Variants in CFAP299 observed in about 807,000 individuals in gnomAD.
CFAP299 encodes cilia and flagella associated protein 299, also known as cilia- and flagella-associated protein 299.
In CFAP299, 21 loss-of-function variants were observed where a neutral mutation model predicts 27.0. The ratio of observed to expected loss-of-function variants is 0.78; its 90% CI spans 0.55 to 1.12. The LOEUF (loss-of-function observed/expected upper bound fraction) is 1.12, where lower values mean the gene tolerates loss of function less well. Among genes scored for constraint, CFAP299 ranks in the 50% most tolerant of loss-of-function variants. CFAP299 has a pLI of 0.00. For missense variants in CFAP299, 310 were observed against 276.6 expected, an observed-to-expected ratio of 1.12 and a Z score of -0.86; for synonymous variants, 104 against 98.1, an observed-to-expected ratio of 1.06 and a Z score of -0.36.
chr4:80,467,221 C>T (rs1729749598), intron 2 of CFAP299, among the ~76,000 whole-genome samples: 1 of 152,154 alleles, frequency 6.6e-6, no homozygotes, highest in African/African-American at 2.4e-5. Context: ...AAAGTATTTA[C>T]ACCACTGATA....
chr4:80,769,968 T>C (rs866955642), intron 3 of CFAP299, among the ~76,000 whole-genome samples: 1 of 152,226 alleles, frequency 6.6e-6, no homozygotes. Context: ...TGTTCTACCT[T>C]CTAGTTTCTT....
At chr4:80,650,852 G>A (rs1740240509) in intron 3 of CFAP299, among the ~76,000 whole-genome samples, 3 of 151,776 alleles carry the variant, frequency 2.0e-5, no homozygotes, top group Admixed American at 6.6e-5. Context: ...TGGACTTTGG[G>A]ACTCAGGGGA....
intron 3 of CFAP299, among the ~76,000 whole-genome samples, chr4:80,637,182 A>T (rs78695532): frequency 0.045 from 6,836 of 152,300 alleles, 200 homozygotes; most frequent in Non-Finnish European, 0.068. Context: ...TTTAATAAAG[A>T]TAAAGTGTTG....
At chr4:80,751,093 ACT>A (rs1724904280) in intron 3 of CFAP299, among the ~76,000 whole-genome samples, 1 of 152,002 alleles carries the variant, frequency 6.6e-6, no homozygotes, top group African/African-American at 2.4e-5. Context: ...GAAGAAACAC[ACT>A]CTGACTTTTT....
chr4:80,538,463 C>T (rs2110195962), intron 2 of CFAP299, among the ~76,000 whole-genome samples: 1 of 151,840 alleles, frequency 6.6e-6, no homozygotes, highest in South Asian at 2.1e-4. Context: ...TAGGCCTTCA[C>T]ATTTACTCAC....
At chr4:80,698,196 G>T (rs1721233541) in intron 3 of CFAP299, among the ~76,000 whole-genome samples, 1 of 152,080 alleles carries the variant, frequency 6.6e-6, no homozygotes, top group African/African-American at 2.4e-5. Context: ...TTATAAAATG[G>T]GGTAAATAAT....
chr4:80,547,754 A>G (rs1734309885), intron 2 of CFAP299, among the ~76,000 whole-genome samples: 1 of 152,082 alleles, frequency 6.6e-6, no homozygotes, highest in African/African-American at 2.4e-5. Flanking sequence ...AGACATACAA[A>G]CCGCTAACAA....
rs1455062754 is a variant in CFAP299, at chr4:80,360,713, T to A, written c.112-2041T>A. On this transcript the variant is annotated intron_variant, in intron 1 of 5. Transcript: ENST00000358105. The stretch of plus-strand genomic sequence containing the variant: ...TCAAGTTTCTGAATCCTAGGGCAGA[T>A]AATGTAAAAAGGATATGGAATTTTT... 2.0e-5 allele frequency among the ~76,000 whole-genome samples: 3 copies of A among 152,222 alleles called. No individual in the cohort carries two copies. The East Asian group carries it at 5.8e-4, about 29-fold the overall frequency.
chr4:80,560,578 C>A (rs1478728473), intron 2 of CFAP299, among the ~76,000 whole-genome samples: 1 of 151,882 alleles, frequency 6.6e-6, no homozygotes. Context: ...CAGAGGGATA[C>A]CCACTGCCCT....
intron 2 of CFAP299, among the ~76,000 whole-genome samples, chr4:80,564,626 C>A (rs1312432372): frequency 6.6e-6 from 1 of 151,936 alleles, no homozygotes; most frequent in Non-Finnish European, 1.5e-5. Flanking sequence ...CAAGAATGCA[C>A]ACTGTCACCA....
intron 2 of CFAP299, among the ~76,000 whole-genome samples, chr4:80,403,632 CA>C (rs1253421525): frequency 6.6e-6 from 1 of 152,064 alleles, no homozygotes; most frequent in Non-Finnish European, 1.5e-5. Context: ...TCAGTTCTCC[CA>C]ACTGTTCATC....
intron 3 of CFAP299, among the ~76,000 whole-genome samples, chr4:80,589,847 G>A (rs1366069333): frequency 1.3e-5 from 2 of 152,138 alleles, no homozygotes; most frequent in Admixed American, 6.5e-5. Flanking sequence ...GATGGCAGTA[G>A]AGTACATTGT....
chr4:80,577,969 A>T (rs1255001479), intron 2 of CFAP299, among the ~76,000 whole-genome samples: 4 of 152,208 alleles, frequency 2.6e-5, no homozygotes, highest in African/African-American at 9.6e-5. Flanking sequence ...AAATCATAAA[A>T]CCAGTAACCT....
At chr4:80,762,927 C>G (rs1350855018) in intron 3 of CFAP299, among the ~76,000 whole-genome samples, 1 of 152,164 alleles carries the variant, frequency 6.6e-6, no homozygotes. Flanking sequence ...GATCACAGCT[C>G]AACTTCTTTC....
chr4:80,628,331 C>CT (rs1418094659), intron 3 of CFAP299, among the ~76,000 whole-genome samples: 1 of 152,016 alleles, frequency 6.6e-6, no homozygotes, highest in East Asian at 1.9e-4. Context: ...TAAAAATCAA[C>CT]TTAAAATGGA....
In CFAP299 at chr4:80,490,578, G is replaced by T. The variant is rs183701677; in HGVS notation, c.243-92515G>T. On this transcript the variant is annotated intron_variant, in intron 2 of 5. Transcript: ENST00000358105. ...AGTGAATAAATGCTGAACCAATAGG[G>T]TTTACATCCTATTATTATTCTTGTA... Among the ~76,000 whole-genome samples the T allele has an allele frequency of 5.0e-3, 764 of 152,178 alleles. 4 individuals carry two copies. The highest frequency in any genetic ancestry group is 0.017 in the Middle Eastern group (5 of 294).
chr4:80,888,388 A>C (rs963494336), intron 4 of CFAP299, among the ~76,000 whole-genome samples: 3 of 152,234 alleles, frequency 2.0e-5, no homozygotes, highest in South Asian at 2.1e-4. Flanking sequence ...GAGACAAAGA[A>C]GATCATTATT....
intron 2 of CFAP299, among the ~76,000 whole-genome samples, chr4:80,435,348 A>C (rs1728016398): frequency 6.6e-6 from 1 of 152,212 alleles, no homozygotes; most frequent in Non-Finnish European, 1.5e-5. Context: ...AAGGAAAGGC[A>C]AGCATCTTTA....
chr4:80,405,847 C>G (rs1345955936), intron 2 of CFAP299, among the ~76,000 whole-genome samples: 1 of 152,008 alleles, frequency 6.6e-6, no homozygotes, highest in Non-Finnish European at 1.5e-5. Context: ...CATTATTTTT[C>G]TTCATTTCAG....
Sources: allele counts gnomAD v4.1 joint callset (sites outside exome capture counted in the v4.1 genomes callset), GRCh38; gene constraint gnomAD v4.1.1; transcripts MANE v1.5; gene names NCBI Gene and HGNC (gene_info 2026-07-23, HGNC 2026-07-21).